Variants in SCN9A observed in about 807,000 individuals in gnomAD.
The protein encoded by SCN9A is sodium voltage-gated channel alpha subunit 9, also known as sodium channel protein type 9 subunit alpha.
In SCN9A, 131 loss-of-function variants were observed where a neutral mutation model predicts 187.0. The ratio of observed to expected loss-of-function variants is 0.70; its 90% CI spans 0.61 to 0.81. The LOEUF is 0.81. Ranked by LOEUF, SCN9A falls within the 30% of genes least tolerant of loss-of-function variation. SCN9A has a pLI of 0.00. For synonymous variants in SCN9A, 809 were observed against 808.6 expected (o/e 1.00, Z -0.01); for missense variants, 2,252 against 2,396.6 (o/e 0.94, Z 1.26).
chr2:166,243,745 T>C (rs1695666370), intron 18 of SCN9A, among the ~76,000 whole-genome samples: 1 of 151,974 alleles, frequency 6.6e-6, no homozygotes, highest in South Asian at 2.1e-4. Context: ...GTTTGGCTTA[T>C]ATCCTATTGA....
rs1168052072 is a variant in SCN9A at position 166,284,552 on chromosome 2, G to A, written c.1875C>T (p.Asn625=). ...NGKMHSAVDC[N]GVVSLVDGRS... ...GTCCATCAACCAGGGAGACCACACC[G>A]TTGCAGTCCACAGCACTGTGCATTT... The change falls in exon 12 of 27, where the codon AAC becomes AAT. Residue 625 remains asparagine (N), a synonymous_variant. Transcript: ENST00000642356. 17 of 1,614,006 alleles carry A rather than the reference G, an allele frequency of 1.1e-5. No individual in the cohort carries two copies. Among genetic ancestry groups the A allele is most frequent in the African/African-American group, 5.3e-5 (4 of 74,926 alleles).
rs551174144 is a variant in SCN9A at position 166,255,640 on chromosome 2, T to G, written c.3352-3755A>C. Among the ~76,000 whole-genome samples the G allele has an allele frequency of 2.0e-5, 3 of 151,496 alleles. No individual in the cohort carries two copies. In the South Asian group the frequency reaches 6.2e-4, roughly 31 times the overall value. The stretch of plus-strand genomic sequence containing the variant: ...GAGAATGATTGATGCTGAAAAGAAC[T>G]GAAAAATGTTACATTTCAAGTACAT... On this transcript the variant is annotated intron_variant, in intron 17 of 26. Coordinates refer to ENST00000642356, the MANE Select transcript of SCN9A (RefSeq NM_001365536.1).
chr2:166,275,392 C>A (rs1697186201), intron 16 of SCN9A, among the ~76,000 whole-genome samples: 1 of 151,984 alleles, frequency 6.6e-6, no homozygotes, highest in African/African-American at 2.4e-5. Context: ...CGAGACCAGC[C>A]TGGCCAACAT....
chr2:166,282,350 T>C (rs34695782), intron 12 of SCN9A, among the ~76,000 whole-genome samples: 2 of 152,100 alleles, frequency 1.3e-5, no homozygotes. Flanking sequence ...CATATGATGA[T>C]AAATGACTCA....
At chr2:166,307,195 C>G in intron 2 of SCN9A, 121 bp from the exon 3 acceptor site, 2 of 594,006 alleles carry the variant, frequency 3.4e-6, no homozygotes, top group Non-Finnish European at 6.1e-6. Flanking sequence ...CCATCAGACT[C>G]CAGCAATGTG....
rs547418120 is a variant in SCN9A at position 166,199,794 on chromosome 2, G to A, written c.4845C>T (p.Ala1615=). ...CTAGACGTAGGATTCGGCCAATCCT[G>A]GCAAGACGGATCACTCGGAACAGGG... is the stretch of plus-strand genomic sequence containing the variant. ...SPTLFRVIRL[A]RIGRILRLVK... Residue 1615 remains alanine (A), a synonymous_variant, in exon 27 of 27, where the codon GCC becomes GCT. Transcript: ENST00000642356. 1.2e-6 allele frequency: 2 copies of A among 1,613,868 alleles called. No individual in the cohort carries two copies. Among genetic ancestry groups the A allele is most frequent in the Admixed American group, 1.7e-5 (1 of 59,982 alleles).
chr2:166,246,497 G>A (rs908797894), intron 18 of SCN9A, among the ~76,000 whole-genome samples: 2 of 151,700 alleles, frequency 1.3e-5, no homozygotes, highest in Non-Finnish European at 2.9e-5. Flanking sequence ...AGAGTAAAAG[G>A]GTAGGGTCAA....
intron 20 of SCN9A, among the ~76,000 whole-genome samples, chr2:166,237,241 T>G (rs1695358057): frequency 6.6e-6 from 1 of 151,634 alleles, no homozygotes; most frequent in Non-Finnish European, 1.5e-5. Context: ...ATGATAATAA[T>G]GGGTATTGTA....
chr2:166,319,845 G>T (rs562290070), intron 1 of SCN9A, among the ~76,000 whole-genome samples: 1 of 152,206 alleles, frequency 6.6e-6, no homozygotes, highest in East Asian at 1.9e-4. Flanking sequence ...GGAAAAGTTG[G>T]AGAGCTGACC....
intron 18 of SCN9A, among the ~76,000 whole-genome samples, chr2:166,245,619 T>C (rs924332610): frequency 6.6e-6 from 1 of 152,022 alleles, no homozygotes; most frequent in Non-Finnish European, 1.5e-5. Context: ...AGAGACTCTT[T>C]AAAAAGTAAC....
In SCN9A at chr2:166,233,428, C is replaced by A; in HGVS notation, c.3836G>T (p.Gly1279Val). 6.3e-7 allele frequency: 1 copy of A among 1,578,430 alleles called. No individual in the cohort carries two copies. The highest frequency in any genetic ancestry group is 1.2e-5 in the South Asian group (1 of 82,476). Residue 1279 changes from glycine (G) to valine (V), a missense_variant, in exon 21 of 27, where the codon GGC becomes GTC. Transcript: ENST00000642356. ...SLVTLVANTLGYSDLGPIKSL... is the reference protein window; with the variant it reads ...SLVTLVANTLVYSDLGPIKSL... ...TTTAATGGGGCCAAGATCTGAGTAG[C>A]CAAGAGTGTTTGCCACTAAAGTAAC...
intron 24 of SCN9A, among the ~76,000 whole-genome samples, chr2:166,215,395 A>G (rs1438030949): frequency 6.6e-6 from 1 of 152,144 alleles, no homozygotes; most frequent in African/African-American, 2.4e-5. Context: ...GAGATTAGAA[A>G]AAGAAGAACA....
chr2:166,220,972 T>C (rs557141272), intron 24 of SCN9A, among the ~76,000 whole-genome samples: 1 of 152,224 alleles, frequency 6.6e-6, no homozygotes, highest in African/African-American at 2.4e-5. Flanking sequence ...TGTTGAAGGA[T>C]ATAAAATCAA....
Position 166,307,031 on chromosome 2 carries a change from T to C in SCN9A, c.302A>G (p.Asn101Ser), listed in dbSNP as rs752395219. 1.7e-5 allele frequency: 28 copies of C among 1,611,884 alleles called. No homozygotes were observed. Among genetic ancestry groups the C allele is most frequent in the Non-Finnish European group, 2.1e-5 (25 of 1,178,340 alleles). ...LNKGKTIFRF[N>S]ATPALYMLSP... ...AAGCATATATAAAGCAGGTGTGGCATTGAAACGGAAGATTGTTTTCCCTTT... is the reference window on the plus strand; with the variant it reads ...AAGCATATATAAAGCAGGTGTGGCACTGAAACGGAAGATTGTTTTCCCTTT... The change falls in exon 3 of 27, where the codon AAT (asparagine) becomes AGT (serine). Residue 101 changes from asparagine (N) to serine (S), a missense_variant. Asn to Ser is a conservative substitution (Grantham distance 46, BLOSUM62 1). Around this residue, in one of 7 missense-constraint regions of SCN9A, gnomAD observed 1,013 missense variants for 997.4 expected, o/e 1.02. Coordinates refer to ENST00000642356, the MANE Select transcript of SCN9A (RefSeq NM_001365536.1).
intron 17 of SCN9A, among the ~76,000 whole-genome samples, chr2:166,265,114 G>T (rs1183725476): frequency 6.6e-6 from 1 of 151,804 alleles, no homozygotes; most frequent in Non-Finnish European, 1.5e-5. Flanking sequence ...AACACATTAT[G>T]GTTAACTCTA....
chr2:166,237,722 CTCTTTAA>C (rs1695380858), intron 20 of SCN9A, among the ~76,000 whole-genome samples: 1 of 152,118 alleles, frequency 6.6e-6, no homozygotes, highest in South Asian at 2.1e-4. Context: ...ATCATTTCCT[CTCTTTAA>C]TCTGTGTCTC....
intron 1 of SCN9A, among the ~76,000 whole-genome samples, chr2:166,320,195 A>G (rs1262302020): frequency 6.6e-6 from 1 of 152,166 alleles, no homozygotes; most frequent in Non-Finnish European, 1.5e-5. Flanking sequence ...TAATGGCTTT[A>G]AAGGGATAAA....
At chr2:166,274,417 A>C (rs1484131722) in intron 16 of SCN9A, among the ~76,000 whole-genome samples, 4 of 152,122 alleles carry the variant, frequency 2.6e-5, no homozygotes, top group African/African-American at 4.8e-5. Flanking sequence ...AGCTGACTAA[A>C]ACTTATTTTT....
chr2:166,344,421 G>A (rs986275160), intron 1 of SCN9A, among the ~76,000 whole-genome samples: 1 of 152,082 alleles, frequency 6.6e-6, no homozygotes, highest in Non-Finnish European at 1.5e-5. Flanking sequence ...ACAAAGAAAA[G>A]CCTTTGATGA....
Sources: allele counts gnomAD v4.1 joint callset (sites outside exome capture counted in the v4.1 genomes callset), GRCh38; gene constraint gnomAD v4.1.1; regional missense constraint gnomAD v4.1.1; transcripts MANE v1.5; gene names NCBI Gene and HGNC (gene_info 2026-07-23, HGNC 2026-07-21).